TRPM4: variants seen among roughly 807,000 people sequenced by gnomAD.
The protein encoded by TRPM4 is calcium-activated non-selective cation channel 1.
A neutral mutation model predicts 135.6 loss-of-function variants in TRPM4; 124 were observed. The ratio of observed to expected loss-of-function variants is 0.91; its 90% CI spans 0.79 to 1.06. The LOEUF is 1.06. Among genes scored for constraint, TRPM4 ranks in the 50% least tolerant of loss-of-function variants. The pLI is 0.00. For missense variants in TRPM4, 1,658 were observed against 1,671.4 expected (o/e 0.99, Z 0.14); for synonymous variants, 745 against 705.6 (o/e 1.06, Z -0.88).
Position 49,181,970 on chromosome 19 carries a change from T to G in TRPM4, c.1263+509T>G, listed in dbSNP as rs950251855. 7.2e-5 allele frequency among the ~76,000 whole-genome samples: 11 copies of G among 152,158 alleles called. No individual in the cohort carries two copies. In the South Asian group the frequency reaches 2.3e-3, roughly 32 times the overall value. The stretch of plus-strand genomic sequence containing the variant: ...ACCCATCCATCTGTCTATCCATCCA[T>G]CCACCCTGTACCTCCATCTATCCAT... On this transcript the variant is annotated intron_variant, in intron 10 of 24. Coordinates refer to ENST00000252826, the MANE Select transcript of TRPM4 (RefSeq NM_017636.4).
rs536657204 is a variant in TRPM4, at chr19:49,190,203, C to T, written c.2020-5C>T. ...TTGGATCCTAATCCTTCCCACCCCC[C>T]ACAGTCTCTGCTGACACAGAAGTGG... On this transcript the variant is annotated splice_region_variant and splice_polypyrimidine_tract_variant and intron_variant, in intron 14 of 24. Transcript: ENST00000252826. 1 of 1,613,278 alleles carries T rather than the reference C, an allele frequency of 6.2e-7. No homozygotes were observed. Among genetic ancestry groups the T allele is most frequent in the African/African-American group, 1.3e-5 (1 of 75,032 alleles).
rs1374044842 is a variant in TRPM4, at chr19:49,166,302, A to C, written c.267+87A>C. 17 of 1,389,140 alleles carry C rather than the reference A, an allele frequency of 1.2e-5. No individual in the cohort carries two copies. In the African/African-American group the frequency reaches 1.3e-4, roughly 11 times the overall value. 86.1% of individuals were successfully genotyped at this position (1,389,140 alleles called of 1,614,324 possible). ...AGTGGAGCCGGGACGCCCGCCCTGAACCCTGGCCCCTCCGCCCATCCCTGT... is the reference window on the plus strand; with the variant it reads ...AGTGGAGCCGGGACGCCCGCCCTGACCCCTGGCCCCTCCGCCCATCCCTGT... On this transcript the variant is annotated intron_variant, in intron 3 of 24. Transcript: ENST00000252826.
chr19:49,188,018 G>C (rs1033988924), intron 12 of TRPM4, among the ~76,000 whole-genome samples: 11 of 152,164 alleles, frequency 7.2e-5, no homozygotes, highest in African/African-American at 1.9e-4. Flanking sequence ...AGGAGCAATT[G>C]GGGGAGCCAG....
chr19:49,184,672 G>T (rs1968130502), intron 12 of TRPM4, among the ~76,000 whole-genome samples: 1 of 151,368 alleles, frequency 6.6e-6, no homozygotes, highest in Non-Finnish European at 1.5e-5. Context: ...TTAGAGACAG[G>T]GTTTCACTGT....
At chr19:49,174,660 G>C (rs909444514) in intron 9 of TRPM4, among the ~76,000 whole-genome samples, 3 of 151,436 alleles carry the variant, frequency 2.0e-5, no homozygotes, top group African/African-American at 7.3e-5. Context: ...TACTTGGGTG[G>C]CTGAGGCAGG....
chr19:49,208,891 G>A (rs975612650), intron 20 of TRPM4, among the ~76,000 whole-genome samples: 5 of 151,488 alleles, frequency 3.3e-5, no homozygotes, highest in East Asian at 1.9e-4. Flanking sequence ...CCCAGGAGGC[G>A]GAGCTTGCAG....
At chr19:49,182,981 T>G in intron 11 of TRPM4, 59 bp downstream of exon 11, 1 of 1,593,244 alleles carries the variant, frequency 6.3e-7, no homozygotes, top group Non-Finnish European at 8.5e-7. Flanking sequence ...GGGGCGGGAT[T>G]ACATCAGGGA....
rs1361608165 is a variant in TRPM4, at chr19:49,211,041, G to A, written c.3488G>A (p.Gly1163Glu). The A allele has an allele frequency of 6.2e-7, 1 of 1,614,004 alleles. No individual in the cohort carries two copies. Among genetic ancestry groups the A allele is most frequent in the East Asian group, 2.2e-5 (1 of 44,880 alleles). The change falls in exon 23 of 25, where the codon GGA becomes GAA. Residue 1163 changes from glycine to glutamate, a missense_variant. Physicochemically the swap from Gly to Glu is moderately conservative, Grantham distance 98 (BLOSUM62 -2). Coordinates refer to ENST00000252826, the MANE Select transcript of TRPM4 (RefSeq NM_017636.4). The surrounding 1 kb of genome is among the most constrained non-coding windows in gnomAD (Gnocchi z 4.8). The part of the protein sequence containing the change: ...QKVDLALKQL[G>E]HIREYEQRLK... ...GTGGACTTGGCACTGAAACAGCTGG[G>A]ACACATCCGCGAGTACGAACAGCGC...
chr19:49,190,083 A>T, intron 14 of TRPM4, 125 bp from the exon 15 acceptor site: 2 of 826,910 alleles, frequency 2.4e-6, no homozygotes, highest in Non-Finnish European at 2.1e-6. Flanking sequence ...CCCTACCTCA[A>T]TAGTTGTGGC....
At chr19:49,182,498 A>ATCCG (rs1242811930) in intron 10 of TRPM4, 80 bp from the exon 11 acceptor site, 84 of 947,538 alleles carry the variant, frequency 8.9e-5, no homozygotes, top group Admixed American at 6.7e-4. Flanking sequence ...CCATCCATCC[A>ATCCG]TCCGTCCCTC....
At position 49,171,604 on chromosome 19, in the gene TRPM4, G is replaced by T. The variant is rs150368509; in HGVS notation, c.885G>T (p.Gln295His). The change falls in exon 8 of 25, where the codon CAG (glutamine) becomes CAT (histidine). Residue 295 changes from glutamine to histidine, a missense_variant. By Grantham distance (24) the Gln-to-His change is conservative. Around this residue, in one of 3 missense-constraint regions of TRPM4, gnomAD observed 1,412 missense variants for 1,408.7 expected, o/e 1.00. Transcript: ENST00000252826. The surrounding 1 kb of genome is among the most constrained non-coding windows in gnomAD (Gnocchi z 4.7). ...LTRIENATQAQLPCLLVAGSG... is the reference protein window; with the variant it reads ...LTRIENATQAHLPCLLVAGSG... ...GAATAGAGAACGCCACCCAGGCTCA[G>T]CTCCCATGTCTCCTCGTGGCTGGCT... The T allele has an allele frequency of 1.3e-4, 211 of 1,614,092 alleles. 1 individual carries two copies. The African/African-American group carries it at 2.3e-3, about 17-fold the overall frequency.
At chr19:49,164,363 A>AGTT (rs1967088109) in intron 2 of TRPM4, among the ~76,000 whole-genome samples, 2 of 10,072 alleles carry the variant, frequency 2.0e-4, no homozygotes, top group East Asian at 5.0e-3. Flanking sequence ...TTCTTTCCTT[A>AGTT]GTTTTTTTTT....
At chr19:49,166,843 TC>T (rs1967206040) in intron 3 of TRPM4, among the ~76,000 whole-genome samples, 5 of 146,262 alleles carry the variant, frequency 3.4e-5, no homozygotes, top group East Asian at 2.1e-4. Flanking sequence ...TGGGTCTCTG[TC>T]TTCCTCTCTC....
intron 12 of TRPM4, among the ~76,000 whole-genome samples, chr19:49,185,748 T>C (rs1968175009): frequency 6.6e-6 from 1 of 151,982 alleles, no homozygotes; most frequent in Non-Finnish European, 1.5e-5. Context: ...TTTTTTCTTT[T>C]TCTTTTTTTT....
chr19:49,157,928 G>C (rs1370991555), intron 1 of TRPM4, 38 bp downstream of exon 1: 2 of 1,533,140 alleles, frequency 1.3e-6, no homozygotes, highest in African/African-American at 1.4e-5. Context: ...GCGCGGAGCT[G>C]GGGACCTCGC....
chr19:49,171,776 C>T lies in TRPM4; in HGVS notation c.1050+7C>T. ...TGAGGTCCTGCAGGCCCAGGTATGA[C>T]ACTGGGGGCCCAACTCTGGATCCTG... On this transcript the variant is annotated splice_region_variant and intron_variant, in intron 8 of 24. Coordinates refer to ENST00000252826, the MANE Select transcript of TRPM4 (RefSeq NM_017636.4). The surrounding 1 kb of genome is among the most constrained non-coding windows in gnomAD (Gnocchi z 4.7). The T allele has an allele frequency of 6.2e-7, 1 of 1,606,610 alleles. No individual in the cohort carries two copies. The highest frequency in any genetic ancestry group is 8.5e-7 in the Non-Finnish European group (1 of 1,178,856).
rs762663451 is a variant in TRPM4 at position 49,211,233 on chromosome 19, G to A, written c.3604G>A (p.Gly1202Ser). 3.8e-6 allele frequency: 6 copies of A among 1,592,190 alleles called. No homozygotes were observed. The highest frequency in any genetic ancestry group is 5.1e-6 in the Non-Finnish European group (6 of 1,170,152). Residue 1202 changes from glycine (G) to serine (S), a missense_variant, in exon 24 of 25, where the codon GGT (glycine) becomes AGT (serine). Gly to Ser is a moderately conservative substitution (Grantham distance 56). This residue lies in a region of TRPM4 where 1,412 missense variants were observed against 1,408.7 expected (regional missense o/e 1.00). Transcript: ENST00000252826. This position sits in a 1 kb window ranked among gnomAD's most constrained non-coding sequence, Gnocchi z 4.8. ...GAGCCGCTCTGCCTTGCTGCCCCCA[G>A]GTGGGCCGCCACCCCCTGACCTGCC... ...ALSRSALLPP[G>S]GPPPPDLPGS...
chr19:49,203,103 G>C (rs140161434), intron 20 of TRPM4, among the ~76,000 whole-genome samples: 1 of 150,536 alleles, frequency 6.6e-6, no homozygotes, highest in South Asian at 2.1e-4. Context: ...GTGTTAACCC[G>C]GATGGTCTCA....
chr19:49,190,391 C>A, intron 15 of TRPM4, 71 bp downstream of exon 15: 2 of 1,347,450 alleles, frequency 1.5e-6, no homozygotes, highest in Non-Finnish European at 2.1e-6. Context: ...GCCCCCTCTG[C>A]CCACCTTTCT....
Sources: allele counts gnomAD v4.1 joint callset (sites outside exome capture counted in the v4.1 genomes callset), GRCh38; gene constraint gnomAD v4.1.1; regional missense constraint gnomAD v4.1.1; non-coding constraint Gnocchi (gnomAD v3.1); transcripts MANE v1.5; gene names NCBI Gene and HGNC (gene_info 2026-07-23, HGNC 2026-07-21).